The following OVCH1 variants were observed in gnomAD, a reference collection of about 807,000 sequenced individuals.
The protein encoded by OVCH1 is ovochymase-1.
OVCH1 carries 139 observed loss-of-function variants against 138.4 expected under a neutral mutation model. The observed-to-expected ratio is 1.00, with a 90% CI of 0.87 to 1.16. OVCH1 has a LOEUF of 1.16. Among genes scored for constraint, OVCH1 ranks in the 50% most tolerant of loss-of-function variants. OVCH1 has a pLI of 0.00. For missense variants in OVCH1, 1,367 were observed against 1,357.9 expected (o/e 1.01, Z -0.11); for synonymous variants, 453 against 467.8 (o/e 0.97, Z 0.41).
chr12:29,409,826 G>A (rs987344824), downstream of OVCH1, among the ~76,000 whole-genome samples: 12 of 152,072 alleles, frequency 7.9e-5, no homozygotes, highest in East Asian at 5.8e-4. Context: ...TATGAGGTCT[G>A]CTTGGTGCAG....
chr12:29,490,489 T>C (rs10843434), intron 5 of OVCH1, among the ~76,000 whole-genome samples: 52,994 of 152,124 alleles, frequency 0.35, 9,999 homozygotes, highest in Middle Eastern at 0.47. Context: ...TGTTTTAATA[T>C]ATGTATACAT....
At chr12:29,425,404 C>T (rs116326571), downstream of OVCH1, among the ~76,000 whole-genome samples, 6,592 of 152,154 alleles carry the variant, frequency 0.043, 443 homozygotes, top group African/African-American at 0.14. Context: ...CTAAAATAAT[C>T]CAAAACATAT....
At chr12:29,412,293 C>T (rs116216062), downstream of OVCH1, among the ~76,000 whole-genome samples, 714 of 152,200 alleles carry the variant, frequency 4.7e-3, 6 homozygotes, top group African/African-American at 0.016. Context: ...CTTCGGCTCA[C>T]GCACGGTGAG....
chr12:29,451,547 T>C, exon 22 of OVCH1: 1 of 1,611,766 alleles, frequency 6.2e-7, no homozygotes, highest in East Asian at 2.2e-5. Context: ...TAGGCTTTTC[T>C]AGCTCTGCTT....
At chr12:29,464,019 C>G (rs1170602146) in intron 18 of OVCH1, among the ~76,000 whole-genome samples, 1 of 152,032 alleles carries the variant, frequency 6.6e-6, no homozygotes, top group Non-Finnish European at 1.5e-5. Flanking sequence ...TGTGCCACCC[C>G]CAAACACGGG....
At position 29,420,808 on chromosome 12, in the gene OVCH1, G is replaced by A. The variant is rs575904568; in HGVS notation, c.*71+2319C>T. ...TGGGATTACAGGCGTGAGCCACCGCGCCCGGCCAAAAGCAGCTTTTAAAAT... is the reference window on the plus strand; with the variant it reads ...TGGGATTACAGGCGTGAGCCACCGCACCCGGCCAAAAGCAGCTTTTAAAAT... On this transcript the variant is annotated intron_variant and NMD_transcript_variant, in intron 3 of 4. Transcript: ENST00000539117. 4.4e-3 allele frequency among the ~76,000 whole-genome samples: 36 copies of A among 8,120 alleles called. 16 individuals are homozygous for A. Among genetic ancestry groups the A allele is most frequent in the Admixed American group, 0.019 (9 of 480 alleles). The allele number at this position is 8,120 out of a possible 152,430, so 5.3% of individuals were successfully genotyped here. A position where few individuals can be genotyped will look rare whatever the true frequency, so the allele number is the denominator to read the frequency against.
chr12:29,456,717 A>T (rs1413890540), intron 19 of OVCH1, among the ~76,000 whole-genome samples: 1 of 152,210 alleles, frequency 6.6e-6, no homozygotes, highest in African/African-American at 2.4e-5. Flanking sequence ...CATGTGCCCC[A>T]TTTGAGGGTA....
chr12:29,405,327 A>G, the OVCH1 span, among the ~76,000 whole-genome samples: 2 of 152,182 alleles, frequency 1.3e-5, no homozygotes, highest in African/African-American at 2.4e-5. Context: ...AGACTCATCA[A>G]TGCAATCCTT....
intron 27 of OVCH1, among the ~76,000 whole-genome samples, chr12:29,431,754 TATA>T (rs1941272958): frequency 1.3e-5 from 2 of 152,336 alleles, no homozygotes; most frequent in Non-Finnish European, 2.9e-5. Flanking sequence ...ATAAATCTAT[TATA>T]ATTCTTCTGT....
intron 27 of OVCH1, among the ~76,000 whole-genome samples, chr12:29,432,141 AC>A (rs1941280697): frequency 6.6e-6 from 1 of 152,220 alleles, no homozygotes; most frequent in African/African-American, 2.4e-5. Context: ...GCAGGGGAAG[AC>A]ATCAAAGGGA....
rs11614232 is a variant in OVCH1 at position 29,472,107 on chromosome 12, C to G, written c.1676-125G>C. 5 of 1,047,158 alleles carry G rather than the reference C, an allele frequency of 4.8e-6. No individual in the cohort carries two copies. In the African/African-American group the frequency reaches 6.7e-5, roughly 14 times the overall value. 64.9% of individuals were successfully genotyped at this position (1,047,158 alleles called of 1,614,324 possible). On this transcript the variant is annotated intron_variant, in intron 15 of 27. Coordinates refer to ENST00000318184, the Ensembl canonical transcript of OVCH1. ...CAGATAGGCTTTATAATAATATTGA[C>G]TCCCAAAACTCACCTCTGAAAAATC...
intron 2 of OVCH1, 49 bp from the exon 3 acceptor site, chr12:29,496,327 T>A (rs1256883736): frequency 7.0e-7 from 1 of 1,434,008 alleles, no homozygotes. Flanking sequence ...TCCCCACATA[T>A]GTATCTCCAT....
chr12:29,475,953 C>T (rs1942692901), intron 13 of OVCH1, among the ~76,000 whole-genome samples: 1 of 152,180 alleles, frequency 6.6e-6, no homozygotes, highest in African/African-American at 2.4e-5. Context: ...TGCAGTTTCT[C>T]TGGCGACTGC....
At chr12:29,424,912 CAG>C (rs2135890983), downstream of OVCH1, among the ~76,000 whole-genome samples, 1 of 152,252 alleles carries the variant, frequency 6.6e-6, no homozygotes, top group South Asian at 2.1e-4. Flanking sequence ...AATTATTAGA[CAG>C]ATGGTTTTTG....
At chr12:29,492,974 G>A (rs894976430) in intron 4 of OVCH1, among the ~76,000 whole-genome samples, 9 of 152,154 alleles carry the variant, frequency 5.9e-5, no homozygotes, top group African/African-American at 1.7e-4. Flanking sequence ...TGGGAATTGC[G>A]AAGTTACTTT....
chr12:29,489,404 TA>T (rs1446843888), intron 6 of OVCH1, among the ~76,000 whole-genome samples: 8 of 152,026 alleles, frequency 5.3e-5, no homozygotes, highest in Admixed American at 2.0e-4. Flanking sequence ...CCCACCGAAA[TA>T]AAAGAAGTGT....
intron 3 of OVCH1, among the ~76,000 whole-genome samples, chr12:29,416,351 T>A (rs1941031033): frequency 6.6e-6 from 1 of 152,000 alleles, no homozygotes; most frequent in South Asian, 2.1e-4. Context: ...TGTGAAAGAC[T>A]CTGTTAAGAG....
downstream of OVCH1, among the ~76,000 whole-genome samples, chr12:29,411,210 A>G (rs1382861514): frequency 2.7e-5 from 3 of 112,710 alleles, no homozygotes; most frequent in Non-Finnish European, 6.4e-5. Context: ...CATTCGTCTA[A>G]ATTTTTTTCA....
intron 26 of OVCH1, among the ~76,000 whole-genome samples, chr12:29,434,564 A>C (rs1233168773): frequency 6.6e-6 from 1 of 152,166 alleles, no homozygotes; most frequent in Non-Finnish European, 1.5e-5. Context: ...TTGAACAAAA[A>C]CAACAAATAG....
Sources: gnomAD v4.1 joint callset for allele counts (sites outside exome capture counted in the v4.1 genomes callset) on GRCh38, gnomAD v4.1.1 for gene constraint, MANE v1.5 for transcripts, NCBI Gene and HGNC (gene_info 2026-07-23, HGNC 2026-07-21) for gene names.